The following SNTG1 variants were observed in gnomAD, a reference collection of about 807,000 sequenced individuals.
SNTG1 encodes syntrophin gamma 1.
Under a neutral mutation model 74.7 loss-of-function variants are expected in SNTG1, and 39 were observed. That is an observed-to-expected ratio of 0.52 (90% CI 0.40 to 0.68). The LOEUF (loss-of-function observed/expected upper bound fraction) is 0.68. SNTG1 is among the 30% of genes least tolerant of loss of function. SNTG1 has a pLI of 0.00. For synonymous variants in SNTG1, 254 were observed against 217.1 expected (o/e 1.17, Z -1.49); for missense variants, 685 against 609.5 (o/e 1.12, Z -1.30).
intron 3 of SNTG1, 32 bp downstream of exon 3, chr8:50,394,297 G>T: frequency 6.2e-7 from 1 of 1,606,174 alleles, no homozygotes; most frequent in Non-Finnish European, 8.5e-7. Context: ...TTTCAAACAG[G>T]GAAAACAGAA....
intron 8 of SNTG1, among the ~76,000 whole-genome samples, chr8:50,454,575 C>T (rs950581429): frequency 2.6e-5 from 4 of 152,010 alleles, no homozygotes; most frequent in Admixed American, 1.3e-4. Flanking sequence ...GGCGTGGTGG[C>T]TCACGCCTGT....
At chr8:50,091,758 G>A (rs2079746609) in intron 1 of SNTG1, among the ~76,000 whole-genome samples, 1 of 152,046 alleles carries the variant, frequency 6.6e-6, no homozygotes, top group Non-Finnish European at 1.5e-5. Context: ...CTGAAGAATG[G>A]TCAATGAGAA....
intron 4 of SNTG1, among the ~76,000 whole-genome samples, chr8:50,437,388 A>T (rs1035360302): frequency 6.6e-6 from 1 of 152,162 alleles, no homozygotes; most frequent in African/African-American, 2.4e-5. Flanking sequence ...TGGCTAAACA[A>T]GGAAGTTTTT....
chr8:49,970,298 G>T lies in SNTG1; in HGVS notation c.-103+58067G>T, dbSNP rs1257605571. Among the ~76,000 whole-genome samples, 5 of 152,156 alleles carry T rather than the reference G, an allele frequency of 3.3e-5. No homozygotes were observed. In the South Asian group the frequency reaches 8.3e-4, roughly 25 times the overall value. ...TTGTTTATGCCCACTGGGTAGTGCT[G>T]CAAACAGACACATACACTGAAATAT... On this transcript the variant is annotated intron_variant, in intron 1 of 18. Transcript: ENST00000642720.
intron 1 of SNTG1, among the ~76,000 whole-genome samples, chr8:50,088,183 G>C (rs1245707290): frequency 1.3e-5 from 2 of 151,624 alleles, no homozygotes; most frequent in Non-Finnish European, 2.9e-5. Flanking sequence ...GTGTATCATT[G>C]TTGGACATTT....
chr8:50,337,519 C>T (rs938163732), intron 2 of SNTG1, among the ~76,000 whole-genome samples: 3 of 152,098 alleles, frequency 2.0e-5, no homozygotes, highest in Admixed American at 6.6e-5. Context: ...TTAAATATAC[C>T]CAGAGCATTC....
intron 4 of SNTG1, among the ~76,000 whole-genome samples, chr8:50,411,452 A>AAAAAAAAT (rs2092947593): frequency 6.6e-6 from 1 of 151,512 alleles, no homozygotes; most frequent in Non-Finnish European, 1.5e-5. Context: ...CATCTCAAAA[A>AAAAAAAAT]AAAAAAATAA....
At chr8:50,351,497 A>G (rs58720841) in intron 2 of SNTG1, among the ~76,000 whole-genome samples, 9,008 of 152,188 alleles carry the variant, frequency 0.059, 302 homozygotes, top group Non-Finnish European at 0.071. Context: ...TTATTTTTAC[A>G]TTTTTGCTTT....
intron 8 of SNTG1, chr8:50,457,922 C>T (rs2093521798): frequency 6.6e-6 from 1 of 152,234 alleles, no homozygotes; most frequent in Non-Finnish European, 1.5e-5. Flanking sequence ...TCTCAGAACA[C>T]TGGCAGCCGG....
chr8:50,693,073 T>C (rs1002796897), intron 15 of SNTG1, among the ~76,000 whole-genome samples: 2 of 152,192 alleles, frequency 1.3e-5, no homozygotes, highest in Non-Finnish European at 2.9e-5. Context: ...TATAATCTCC[T>C]GATGTGCCCT....
At chr8:50,258,502 A>G (rs1158785230) in intron 2 of SNTG1, among the ~76,000 whole-genome samples, 1 of 152,190 alleles carries the variant, frequency 6.6e-6, no homozygotes, top group African/African-American at 2.4e-5. Flanking sequence ...TATTGTAAAA[A>G]TATTCAAACA....
Position 50,792,900 on chromosome 8 carries a change from C to G in SNTG1, c.*71C>G. 7.0e-7 allele frequency: 1 copy of G among 1,438,742 alleles called. No homozygotes were observed. Among genetic ancestry groups the G allele is most frequent in the South Asian group, 1.6e-5 (1 of 62,794 alleles). The allele number at this position is 1,438,742 out of a possible 1,614,324, so 89.1% of individuals were successfully genotyped here. The stretch of plus-strand genomic sequence containing the variant: ...ACACATTTACTCATCATTTTAGACC[C>G]TAGAGAAACCATAACATCACCAAGT... On this transcript the variant is annotated 3_prime_UTR_variant, in exon 19 of 19. Transcript: ENST00000642720.
chr8:50,121,064 ATTT>A (rs1332345294), intron 1 of SNTG1, among the ~76,000 whole-genome samples: 1 of 142,416 alleles, frequency 7.0e-6, no homozygotes, highest in Non-Finnish European at 1.6e-5. Context: ...ATTTATTTTT[ATTT>A]AAGAATATTA....
intron 9 of SNTG1, among the ~76,000 whole-genome samples, chr8:50,526,509 T>C (rs2094220813): frequency 6.6e-6 from 1 of 152,136 alleles, no homozygotes; most frequent in South Asian, 2.1e-4. Flanking sequence ...CTTTCTTAAC[T>C]ATATATTGTT....
At chr8:50,448,238 A>C (rs1316881364) in intron 5 of SNTG1, among the ~76,000 whole-genome samples, 3 of 152,078 alleles carry the variant, frequency 2.0e-5, no homozygotes, top group African/African-American at 7.2e-5. Context: ...AAATTCAGTG[A>C]GTAGGACAGT....
At chr8:50,215,197 A>C (rs971662891) in intron 2 of SNTG1, among the ~76,000 whole-genome samples, 2 of 152,108 alleles carry the variant, frequency 1.3e-5, no homozygotes, top group Admixed American at 1.3e-4. Context: ...AGACAAAAAC[A>C]GAACAATCAG....
intron 13 of SNTG1, among the ~76,000 whole-genome samples, chr8:50,601,301 A>T (rs1337945300): frequency 6.6e-6 from 1 of 150,898 alleles, no homozygotes; most frequent in Non-Finnish European, 1.5e-5. Flanking sequence ...GCTGCATCCC[A>T]TAGGTTTTAT....
Position 50,700,902 on chromosome 8 carries a change from A to G in SNTG1, c.1039-3698A>G, listed in dbSNP as rs78739277. 8.6e-3 allele frequency among the ~76,000 whole-genome samples: 1,305 copies of G among 152,304 alleles called. 12 individuals are homozygous for G. Among genetic ancestry groups the G allele is most frequent in the Non-Finnish European group, 0.015 (1,022 of 68,032 alleles). On this transcript the variant is annotated intron_variant, in intron 15 of 18. Coordinates refer to ENST00000642720, the MANE Select transcript of SNTG1 (RefSeq NM_018967.5). ...GCAAGAAGTTTTCAGAGATGCTGAA[A>G]CTATATTTGCAGAGTTGATTAGAGG...
At chr8:50,249,776 A>G (rs968298935) in intron 2 of SNTG1, among the ~76,000 whole-genome samples, 1 of 152,170 alleles carries the variant, frequency 6.6e-6, no homozygotes, top group African/African-American at 2.4e-5. Flanking sequence ...ACCAAAGCCA[A>G]TGCTACATTC....
Sources: gnomAD v4.1 joint callset for allele counts (sites outside exome capture counted in the v4.1 genomes callset) on GRCh38, gnomAD v4.1.1 for gene constraint, MANE v1.5 for transcripts, NCBI Gene and HGNC (gene_info 2026-07-23, HGNC 2026-07-21) for gene names.